Variants in MAPK10 observed in about 807,000 individuals in gnomAD.
MAPK10 encodes the protein JNK3 alpha protein kinase.
MAPK10 carries 25 observed loss-of-function variants against 59.3 expected under a neutral mutation model. The ratio of observed to expected loss-of-function variants is 0.42; its 90% CI spans 0.31 to 0.59. The LOEUF is 0.59. MAPK10 is among the 20% of genes least tolerant of loss of function. The pLI, the probability that MAPK10 is intolerant of heterozygous loss-of-function variation, is 0.15. For synonymous variants in MAPK10, 190 were observed against 200.5 expected (o/e 0.95, Z 0.44); for missense variants, 351 against 568.9 (o/e 0.62, Z 3.90).
At chr4:86,167,096 T>G (rs1437706923) in intron 3 of MAPK10, among the ~76,000 whole-genome samples, 1 of 152,136 alleles carries the variant, frequency 6.6e-6, no homozygotes, top group East Asian at 1.9e-4. Flanking sequence ...TATAAACACC[T>G]CTAGACAAAT....
At chr4:86,295,135 G>C (rs1472323496) in intron 2 of MAPK10, among the ~76,000 whole-genome samples, 1 of 152,168 alleles carries the variant, frequency 6.6e-6, no homozygotes, top group African/African-American at 2.4e-5. Context: ...TTAATTACGT[G>C]TTAGGACACA....
chr4:86,404,790 G>C (rs1282340768), intron 1 of MAPK10, among the ~76,000 whole-genome samples: 1 of 152,154 alleles, frequency 6.6e-6, no homozygotes, highest in Non-Finnish European at 1.5e-5. Flanking sequence ...TCTTGGTTTC[G>C]AATTCTATCT....
intron 1 of MAPK10, among the ~76,000 whole-genome samples, chr4:86,504,194 G>A (rs1049847056): frequency 2.0e-5 from 3 of 152,038 alleles, no homozygotes; most frequent in African/African-American, 7.2e-5. Context: ...GAGGGTCTTA[G>A]TTTCTTTTAC....
At chr4:86,249,859 C>G (rs2093324977) in intron 2 of MAPK10, among the ~76,000 whole-genome samples, 1 of 152,128 alleles carries the variant, frequency 6.6e-6, no homozygotes, top group Non-Finnish European at 1.5e-5. Context: ...AAAGAAACTT[C>G]ATAATTATAC....
At chr4:86,323,701 T>C (rs1004816980) in intron 2 of MAPK10, among the ~76,000 whole-genome samples, 2 of 152,174 alleles carry the variant, frequency 1.3e-5, no homozygotes, top group African/African-American at 4.8e-5. Flanking sequence ...TCCAATATAA[T>C]AATAGCATTA....
intron 2 of MAPK10, among the ~76,000 whole-genome samples, chr4:86,242,251 G>C (rs1489837919): frequency 6.6e-6 from 1 of 152,074 alleles, no homozygotes; most frequent in Admixed American, 6.5e-5. Context: ...CTCTGACCTC[G>C]AGAGGCACCA....
At chr4:86,392,642 A>C (rs1314847289) in intron 1 of MAPK10, among the ~76,000 whole-genome samples, 1 of 152,192 alleles carries the variant, frequency 6.6e-6, no homozygotes, top group Admixed American at 6.5e-5. Flanking sequence ...GATCAAGTGG[A>C]GATTATAGTG....
chr4:86,153,682 A>G (rs2067005827), intron 4 of MAPK10, among the ~76,000 whole-genome samples: 1 of 151,994 alleles, frequency 6.6e-6, no homozygotes, highest in Non-Finnish European at 1.5e-5. Flanking sequence ...TTCGTAAAGG[A>G]AAAAAAATGA....
At chr4:86,282,681 T>A (rs140508649) in intron 2 of MAPK10, among the ~76,000 whole-genome samples, 1 of 152,184 alleles carries the variant, frequency 6.6e-6, no homozygotes, top group Non-Finnish European at 1.5e-5. Context: ...AAATGCTTTA[T>A]CTGTCTCTCT....
chr4:86,107,137 G>T, intron 5 of MAPK10, 86 bp downstream of exon 5: 2 of 1,056,630 alleles, frequency 1.9e-6, no homozygotes, highest in Non-Finnish European at 1.4e-6. Context: ...AGCAAAGAAA[G>T]CCTTTCTTAC....
intron 2 of MAPK10, among the ~76,000 whole-genome samples, chr4:86,229,284 C>A (rs796932440): frequency 8.5e-5 from 13 of 152,132 alleles, no homozygotes; most frequent in African/African-American, 2.2e-4. Flanking sequence ...ATCAATTATA[C>A]ACCATTAAAA....
chr4:86,082,074 G>A (rs1024352690), intron 9 of MAPK10: 2 of 152,092 alleles, frequency 1.3e-5, no homozygotes, highest in Non-Finnish European at 2.9e-5. Flanking sequence ...AACGATGACA[G>A]TATGGTATGT....
At chr4:86,423,850 G>C (rs1482535377) in intron 1 of MAPK10, among the ~76,000 whole-genome samples, 1 of 148,740 alleles carries the variant, frequency 6.7e-6, no homozygotes, top group Non-Finnish European at 1.5e-5. Context: ...GGATAAAAGA[G>C]AGTCAATGTA....
chr4:86,444,340 T>C (rs991800251), intron 1 of MAPK10, among the ~76,000 whole-genome samples: 1 of 152,130 alleles, frequency 6.6e-6, no homozygotes, highest in South Asian at 2.1e-4. Context: ...ATTTAATAAA[T>C]AGTGCTGGCA....
chr4:86,258,508 T>G (rs1177476665), intron 2 of MAPK10, among the ~76,000 whole-genome samples: 5 of 152,138 alleles, frequency 3.3e-5, no homozygotes, highest in African/African-American at 1.2e-4. Context: ...TACCACATTG[T>G]TTTTTCCTTT....
chr4:86,592,148 A>T (rs1763088083), intron 1 of MAPK10, among the ~76,000 whole-genome samples: 2 of 152,042 alleles, frequency 1.3e-5, no homozygotes, highest in Non-Finnish European at 2.9e-5. Context: ...AATTTCTCTT[A>T]ATTTTGTTAT....
intron 1 of MAPK10, among the ~76,000 whole-genome samples, chr4:86,446,755 A>G (rs2149051639): frequency 6.6e-6 from 1 of 152,288 alleles, no homozygotes; most frequent in South Asian, 2.1e-4. Context: ...TTTTAAATTT[A>G]GGGGTGTGAA....
At chr4:86,075,155 C>T (rs1414623389) in intron 9 of MAPK10, among the ~76,000 whole-genome samples, 1 of 152,088 alleles carries the variant, frequency 6.6e-6, no homozygotes, top group Non-Finnish European at 1.5e-5. Flanking sequence ...CATCTTCCAT[C>T]ACTGATACCC....
At chr4:86,161,179 T>C (rs1038194164) in intron 3 of MAPK10, among the ~76,000 whole-genome samples, 11 of 152,056 alleles carry the variant, frequency 7.2e-5, no homozygotes, top group East Asian at 5.8e-4. Flanking sequence ...AGTGGACTTA[T>C]AGGAACTTAT....
Sources: allele counts gnomAD v4.1 joint callset (sites outside exome capture counted in the v4.1 genomes callset), GRCh38; gene constraint gnomAD v4.1.1; transcripts MANE v1.5; gene names NCBI Gene and HGNC (gene_info 2026-07-23, HGNC 2026-07-21).